MCHR2: variants seen among roughly 807,000 people sequenced by gnomAD.
MCHR2 encodes melanin-concentrating hormone receptor 2.
In MCHR2, 15 loss-of-function variants were observed where a neutral mutation model predicts 24.8. The ratio of observed to expected loss-of-function variants is 0.60; its 90% CI spans 0.40 to 0.93. The LOEUF (loss-of-function observed/expected upper bound fraction) is 0.93, where lower values mean the gene tolerates loss of function less well. MCHR2 is among the 40% of genes least tolerant of loss of function. The pLI is 0.00. For missense variants in MCHR2, 386 were observed against 408.7 expected, an observed-to-expected ratio of 0.94 and a Z score of 0.48; for synonymous variants, 151 against 147.6, an observed-to-expected ratio of 1.02 and a Z score of -0.17.
intron 2 of MCHR2, among the ~76,000 whole-genome samples, chr6:99,954,178 A>T (rs1214803803): frequency 6.6e-6 from 1 of 152,138 alleles, no homozygotes; most frequent in Non-Finnish European, 1.5e-5. Flanking sequence ...GATTCGGAAT[A>T]AATCTGAGTT....
chr6:99,920,735 C>T lies in MCHR2; in HGVS notation c.*205G>A, dbSNP rs1183306248. 3 of 569,298 alleles carry T rather than the reference C, an allele frequency of 5.3e-6. No homozygotes were observed. Among genetic ancestry groups the T allele is most frequent in the South Asian group, 2.2e-5 (1 of 45,134 alleles). 35.3% of individuals were successfully genotyped at this position (569,298 alleles called of 1,614,324 possible). ...ATCTCAGACTATCCCATTCCCTACC[C>T]ACAATATAGATCAACATTTTACATC... On this transcript the variant is annotated 3_prime_UTR_variant, in exon 6 of 6. Coordinates refer to ENST00000281806, the MANE Select transcript of MCHR2 (RefSeq NM_001040179.2).
chr6:99,968,025 G>C lies in MCHR2; in HGVS notation c.-27-11851C>G, dbSNP rs1027522858. Reference sequence around the variant, plus strand: ...AATAATAGTACCTATCTCATACTGAGGTTGTGATGATTAATGTGATAATCC... The same window carrying C: ...AATAATAGTACCTATCTCATACTGACGTTGTGATGATTAATGTGATAATCC... On this transcript the variant is annotated intron_variant, in intron 1 of 5. Transcript: ENST00000281806. 2.6e-5 allele frequency among the ~76,000 whole-genome samples: 4 copies of C among 152,148 alleles called. No homozygotes were observed. In the East Asian group the frequency reaches 7.7e-4, roughly 29 times the overall value.
In MCHR2 at chr6:99,947,906, A is replaced by G; in HGVS notation, c.248T>C (p.Ile83Thr). ...CNLAVADLVHIVGMPFLIHQW... is the reference protein window; with the variant it reads ...CNLAVADLVHTVGMPFLIHQW... ...GTGAATAAGAAAAGGCATTCCAACT[A>G]TGTGGACCAAATCAGCCACAGCCAG... Residue 83 changes from isoleucine (I) to threonine (T), a missense_variant, in exon 3 of 6, where the codon ATA (isoleucine) becomes ACA (threonine). Physicochemically the swap from Ile to Thr is moderately conservative, Grantham distance 89. Transcript: ENST00000281806. 6.2e-7 allele frequency: 1 copy of G among 1,613,746 alleles called. No individual in the cohort carries two copies. The highest frequency in any genetic ancestry group is 8.5e-7 in the Non-Finnish European group (1 of 1,179,766).
chr6:99,951,352 G>T (rs879524274), intron 2 of MCHR2, among the ~76,000 whole-genome samples: 2 of 152,138 alleles, frequency 1.3e-5, no homozygotes, highest in Non-Finnish European at 2.9e-5. Flanking sequence ...CAGGACAGAT[G>T]CTATACAGGA....
Position 99,975,415 on chromosome 6 carries a change from C to T in MCHR2, c.-28+18521G>A, listed in dbSNP as rs189464303. On this transcript the variant is annotated intron_variant, in intron 1 of 5. Transcript: ENST00000281806. Reference sequence around the variant, plus strand: ...CTCCTGGTGTCCCGTTTTTTAAGCCCGTTGGAAAACCGCAGTATTAGGGTG... The same window carrying T: ...CTCCTGGTGTCCCGTTTTTTAAGCCTGTTGGAAAACCGCAGTATTAGGGTG... Among the ~76,000 whole-genome samples the T allele has an allele frequency of 1.0e-2, 1,521 of 152,288 alleles. 12 individuals carry two copies. The highest frequency in any genetic ancestry group is 0.012 in the Non-Finnish European group (836 of 68,022).
At chr6:99,968,110 A>G (rs1472598828) in intron 1 of MCHR2, among the ~76,000 whole-genome samples, 2 of 152,208 alleles carry the variant, frequency 1.3e-5, no homozygotes, top group Admixed American at 6.5e-5. Context: ...AGTTATTACA[A>G]TAATCATCAT....
rs1219198796 is a variant in MCHR2, at chr6:99,919,519, T to A, written c.*1421A>T. 6.6e-6 allele frequency among the ~76,000 whole-genome samples: 1 copy of A among 152,182 alleles called. No individual in the cohort carries two copies. Among genetic ancestry groups the A allele is most frequent in the South Asian group, 2.1e-4 (1 of 4,822 alleles). On this transcript the variant is annotated 3_prime_UTR_variant, in exon 6 of 6. Coordinates refer to ENST00000281806, the MANE Select transcript of MCHR2 (RefSeq NM_001040179.2). Reference sequence around the variant, plus strand: ...ATGAAGAAGGTGGGTTTACAGACTTTATCCACAAGCAAAAATAACAATATT... The same window carrying A: ...ATGAAGAAGGTGGGTTTACAGACTTAATCCACAAGCAAAAATAACAATATT...
At chr6:99,988,482 A>G (rs1393993028) in intron 1 of MCHR2, among the ~76,000 whole-genome samples, 1 of 152,188 alleles carries the variant, frequency 6.6e-6, no homozygotes, top group East Asian at 1.9e-4. Flanking sequence ...CACAAGTATC[A>G]ATGGCTGGAA....
intron 4 of MCHR2, among the ~76,000 whole-genome samples, chr6:99,939,893 A>G (rs1231593023): frequency 1.5e-5 from 1 of 66,580 alleles, no homozygotes; most frequent in Non-Finnish European, 3.0e-5. Context: ...TTTTTTTTTC[A>G]GTTTGAGAAT....
chr6:99,961,371 G>T (rs9385952), intron 1 of MCHR2, among the ~76,000 whole-genome samples: 61,684 of 151,744 alleles, frequency 0.41, 13,104 homozygotes, highest in East Asian at 0.75. Context: ...ACACCCAAAG[G>T]ATTATAAATC....
chr6:99,963,516 C>T (rs538782517), intron 1 of MCHR2, among the ~76,000 whole-genome samples: 17 of 152,046 alleles, frequency 1.1e-4, no homozygotes, highest in African/African-American at 2.2e-4. Flanking sequence ...GATGAGGAAA[C>T]GGAGAATTGT....
chr6:99,934,419 T>G lies in MCHR2; in HGVS notation c.686A>C (p.Gln229Pro). 4 of 1,596,292 alleles carry G rather than the reference T, an allele frequency of 2.5e-6. No individual in the cohort carries two copies. Among genetic ancestry groups the G allele is most frequent in the Non-Finnish European group, 3.4e-6 (4 of 1,174,294 alleles). Residue 229 changes from glutamine (Q) to proline (P), a missense_variant, in exon 5 of 6, where the codon CAA becomes CCA. By Grantham distance (76) the Gln-to-Pro change is moderately conservative. Transcript: ENST00000281806. The stretch of plus-strand genomic sequence containing the variant: ...TTACCATCTGGCATCCTTATTCTGT[T>G]GATACATCTCCCAAGTATAGCATAA... ...LILCYTWEMY[Q>P]QNKDARCCNP...
At chr6:99,931,532 C>A (rs1319232109) in intron 5 of MCHR2, among the ~76,000 whole-genome samples, 1 of 152,188 alleles carries the variant, frequency 6.6e-6, no homozygotes, top group Non-Finnish European at 1.5e-5. Flanking sequence ...CCTAAGAAAG[C>A]CTGGGCAATG....
intron 1 of MCHR2, among the ~76,000 whole-genome samples, chr6:99,977,312 A>G (rs574318070): frequency 6.6e-6 from 1 of 152,306 alleles, no homozygotes; most frequent in Admixed American, 6.5e-5. Flanking sequence ...TATGCCTTCT[A>G]AGACCTATTA....
intron 1 of MCHR2, among the ~76,000 whole-genome samples, chr6:99,980,028 C>T (rs182139968): frequency 6.6e-6 from 1 of 152,296 alleles, no homozygotes; most frequent in East Asian, 1.9e-4. Context: ...CATTAAAGTA[C>T]TGTCATATGA....
intron 2 of MCHR2, among the ~76,000 whole-genome samples, chr6:99,955,499 A>G (rs541091939): frequency 6.6e-6 from 1 of 152,242 alleles, no homozygotes; most frequent in South Asian, 2.1e-4. Flanking sequence ...TGCCCAAGTG[A>G]GTAAAAGAAT....
chr6:99,982,799 G>T (rs1457082369), intron 1 of MCHR2, among the ~76,000 whole-genome samples: 1 of 152,152 alleles, frequency 6.6e-6, no homozygotes, highest in Non-Finnish European at 1.5e-5. Flanking sequence ...GTTAGGAAAA[G>T]AAGTTACTAT....
Position 99,965,726 on chromosome 6 carries a change from A to C in MCHR2, c.-27-9552T>G, listed in dbSNP as rs142368097. On this transcript the variant is annotated intron_variant, in intron 1 of 5. Coordinates refer to ENST00000281806, the MANE Select transcript of MCHR2 (RefSeq NM_001040179.2). ...AAAGAAAATATGGATCATATATGCA[A>C]ATGAATAGGTTTGGGAGGCATATGC... 4.6e-5 allele frequency among the ~76,000 whole-genome samples: 7 copies of C among 152,260 alleles called. No homozygotes were observed. The East Asian group carries it at 1.3e-3, about 29-fold the overall frequency.
At chr6:99,955,403 T>C (rs1775039602) in intron 2 of MCHR2, among the ~76,000 whole-genome samples, 1 of 152,120 alleles carries the variant, frequency 6.6e-6, no homozygotes, top group Non-Finnish European at 1.5e-5. Flanking sequence ...CTCAGTTTGG[T>C]TTATATAGGC....
Sources: gnomAD v4.1 joint callset for allele counts (sites outside exome capture counted in the v4.1 genomes callset) on GRCh38, gnomAD v4.1.1 for gene constraint, MANE v1.5 for transcripts, NCBI Gene and HGNC (gene_info 2026-07-23, HGNC 2026-07-21) for gene names.